The following WDR41 variants were observed in gnomAD, a reference collection of about 807,000 sequenced individuals.
WDR41 encodes the protein WD repeat-containing protein 41.
Under a neutral mutation model 69.3 loss-of-function variants are expected in WDR41, and 63 were observed. That is an observed-to-expected ratio of 0.91 (90% CI 0.74 to 1.12). WDR41 has a LOEUF of 1.12. WDR41 is among the 50% of genes most tolerant of loss of function. The pLI, the probability that WDR41 is intolerant of heterozygous loss-of-function variation, is 0.00. For synonymous variants in WDR41, 185 were observed against 192.1 expected (o/e 0.96, Z 0.31); for missense variants, 543 against 534.5 (o/e 1.02, Z -0.16).
At chr5:77,554,080 T>C (rs1743344691) in intron 1 of WDR41, among the ~76,000 whole-genome samples, 3 of 152,240 alleles carry the variant, frequency 2.0e-5, no homozygotes, top group Admixed American at 2.0e-4. Flanking sequence ...CATGGAATTC[T>C]ACTAAGCAAT....
chr5:77,479,994 A>C (rs200882644), intron 2 of WDR41: 136 of 152,082 alleles, frequency 8.9e-4, no homozygotes, highest in African/African-American at 2.9e-3. Flanking sequence ...ACAAACAACC[A>C]CATCAAAAAG....
chr5:77,498,052 G>A (rs1028191452), intron 1 of WDR41, among the ~76,000 whole-genome samples: 4 of 152,148 alleles, frequency 2.6e-5, no homozygotes, highest in African/African-American at 9.7e-5. Flanking sequence ...TAAATTCATA[G>A]AGACAGAAAA....
chr5:77,583,868 T>C (rs568031547), intron 1 of WDR41, among the ~76,000 whole-genome samples: 1 of 152,200 alleles, frequency 6.6e-6, no homozygotes, highest in Non-Finnish European at 1.5e-5. Context: ...CAACAAAATA[T>C]TACCAAACCA....
intron 2 of WDR41, among the ~76,000 whole-genome samples, chr5:77,484,297 A>G (rs1292914517): frequency 6.6e-6 from 1 of 152,194 alleles, no homozygotes; most frequent in African/African-American, 2.4e-5. Flanking sequence ...AGGGTGGCAC[A>G]CGCATCTGTG....
rs768780554 is a variant in WDR41 at position 77,436,408 on chromosome 5, C to G, written c.1094-14G>C. The stretch of plus-strand genomic sequence containing the variant: ...TGTTAAAAAAACCTAGAAAAAGAAT[C>G]ATTTCCAAAATTACTGTGCTCTGTA... On this transcript the variant is annotated splice_polypyrimidine_tract_variant and intron_variant, in intron 11 of 12. Coordinates refer to ENST00000296679, the MANE Select transcript of WDR41 (RefSeq NM_018268.4). The G allele has an allele frequency of 6.2e-7, 1 of 1,613,328 alleles. No homozygotes were observed. The highest frequency in any genetic ancestry group is 1.7e-5 in the Admixed American group (1 of 59,900).
intron 1 of WDR41, among the ~76,000 whole-genome samples, chr5:77,504,500 G>A (rs10044160): frequency 0.33 from 49,827 of 151,980 alleles, 8,246 homozygotes; most frequent in East Asian, 0.36. Flanking sequence ...TAGAAAAAGA[G>A]GGAATCCTCC....
intron 2 of WDR41, chr5:77,479,992 C>T (rs1801146284): frequency 6.6e-6 from 1 of 151,980 alleles, no homozygotes; most frequent in East Asian, 1.9e-4. Context: ...AAACAAACAA[C>T]CACATCAAAA....
At chr5:77,534,331 T>TG (rs34196396) in intron 1 of WDR41, among the ~76,000 whole-genome samples, 35,393 of 151,898 alleles carry the variant, frequency 0.23, 4,916 homozygotes, top group Non-Finnish European at 0.31. Context: ...CCACTATATG[T>TG]GGGGGGCGGC....
chr5:77,486,688 A>AAG (rs1377285729), intron 2 of WDR41, among the ~76,000 whole-genome samples: 6 of 152,166 alleles, frequency 3.9e-5, no homozygotes, highest in African/African-American at 1.4e-4. Context: ...ATTTCAGCTG[A>AAG]GACCTTCAGC....
intron 1 of WDR41, among the ~76,000 whole-genome samples, chr5:77,518,018 C>T (rs574157966): frequency 1.3e-5 from 2 of 152,184 alleles, no homozygotes; most frequent in Admixed American, 1.3e-4. Context: ...ATTATGAATG[C>T]AAATGAGCTC....
chr5:77,587,145 T>C (rs1259365468), intron 1 of WDR41, among the ~76,000 whole-genome samples: 1 of 151,278 alleles, frequency 6.6e-6, no homozygotes, highest in African/African-American at 2.4e-5. Flanking sequence ...AACGTAACCC[T>C]ATTCTAAATT....
intron 1 of WDR41, among the ~76,000 whole-genome samples, chr5:77,562,195 G>C (rs937252572): frequency 4.6e-5 from 7 of 152,252 alleles, no homozygotes; most frequent in African/African-American, 1.7e-4. Flanking sequence ...CAGGCTGCAA[G>C]GTGCTTTCCA....
chr5:77,512,137 C>A (rs1802212240), intron 1 of WDR41, among the ~76,000 whole-genome samples: 1 of 152,042 alleles, frequency 6.6e-6, no homozygotes, highest in Non-Finnish European at 1.5e-5. Flanking sequence ...GTATGGAGAG[C>A]AAGGATTCTC....
chr5:77,602,092 C>A (rs1274758679), intron 1 of WDR41, among the ~76,000 whole-genome samples: 1 of 152,046 alleles, frequency 6.6e-6, no homozygotes, highest in Non-Finnish European at 1.5e-5. Context: ...ACCCATTAAC[C>A]AACCTCTCTT....
chr5:77,564,888 G>A (rs2112263306), intron 1 of WDR41, among the ~76,000 whole-genome samples: 1 of 152,182 alleles, frequency 6.6e-6, no homozygotes, highest in South Asian at 2.1e-4. Context: ...AAACTTAGAA[G>A]GAATTTTTGA....
rs183303816 is a variant in WDR41, at chr5:77,513,935, A to T, written c.43-24363T>A. On this transcript the variant is annotated intron_variant, in intron 1 of 5. Transcript: ENST00000509971. ...GGCTTTTCTTAGGCAATGACTGCAT[A>T]ATCAAACATATATTTTTCTTCTTTT... 2.8e-3 allele frequency among the ~76,000 whole-genome samples: 423 copies of T among 151,184 alleles called. 4 individuals carry two copies. Among genetic ancestry groups the T allele is most frequent in the African/African-American group, 0.01 (413 of 41,018 alleles).
chr5:77,587,086 A>G (rs1744055008), intron 1 of WDR41, among the ~76,000 whole-genome samples: 1 of 47,938 alleles, frequency 2.1e-5, no homozygotes, highest in African/African-American at 1.6e-4. Context: ...GAACATTTCT[A>G]GTACCCCCAA....
At chr5:77,574,551 C>T (rs6453328) in intron 1 of WDR41, among the ~76,000 whole-genome samples, 1 of 151,902 alleles carries the variant, frequency 6.6e-6, no homozygotes, top group Non-Finnish European at 1.5e-5. Context: ...GATCATTACT[C>T]AATGTTATTT....
chr5:77,540,575 C>T (rs1743070497), intron 1 of WDR41: 1 of 152,146 alleles, frequency 6.6e-6, no homozygotes. Flanking sequence ...TGTGGTGGCA[C>T]ATGCCTTTAG....
Sources: allele counts gnomAD v4.1 joint callset (sites outside exome capture counted in the v4.1 genomes callset), GRCh38; gene constraint gnomAD v4.1.1; transcripts MANE v1.5; gene names NCBI Gene and HGNC (gene_info 2026-07-23, HGNC 2026-07-21).